FBXO22: variants seen among roughly 807,000 people sequenced by gnomAD.
FBXO22 encodes F-box only protein 22.
Under a neutral mutation model 37.2 loss-of-function variants are expected in FBXO22, and 13 were observed. That is an observed-to-expected ratio of 0.35 (90% CI 0.23 to 0.56). The LOEUF (loss-of-function observed/expected upper bound fraction) is 0.56. Ranked by LOEUF, FBXO22 falls within the 20% of genes least tolerant of loss-of-function variation. FBXO22 has a pLI of 0.87. For synonymous variants in FBXO22, 189 were observed against 189.1 expected, an observed-to-expected ratio of 1.00 and a Z score of 0.00; for missense variants, 446 against 509.9, an observed-to-expected ratio of 0.87 and a Z score of 1.21.
intron 5 of FBXO22, among the ~76,000 whole-genome samples, chr15:75,922,048 T>TA (rs2141717599): frequency 1.3e-5 from 2 of 152,208 alleles, no homozygotes; most frequent in African/African-American, 4.8e-5. Context: ...ATTAAAAGTA[T>TA]AGGATAGTAA....
chr15:75,940,504 T>C lies in FBXO22; in HGVS notation c.*7402T>C, dbSNP rs1481529606. 2 of 151,704 alleles carry C rather than the reference T, an allele frequency of 1.3e-5. No individual in the cohort carries two copies. The highest frequency in any genetic ancestry group is 4.8e-5 in the African/African-American group (2 of 41,276). 9.4% of individuals were successfully genotyped at this position (151,704 alleles called of 1,614,324 possible). A position where few individuals can be genotyped will look rare whatever the true frequency, so the allele number is the denominator to read the frequency against. On this transcript the variant is annotated 3_prime_UTR_variant, in exon 7 of 7. Transcript: ENST00000308275. ...AGAAAAACCCATCCTGAATTTCATG[T>C]GGAATCTGAAGGGATCCCAAATAGC...
In FBXO22 at chr15:75,904,058, G is replaced by C; in HGVS notation, c.95G>C (p.Arg32Pro). 6.4e-7 allele frequency: 1 copy of C among 1,557,296 alleles called. No homozygotes were observed. The highest frequency in any genetic ancestry group is 8.7e-7 in the Non-Finnish European group (1 of 1,149,836). ...AGTAACCTGGCGGAGGTGGTGGAGC[G>C]TGTGCTCACCTTCCTGCCCGCCAAG... ...VLSNLAEVVE[R>P]VLTFLPAKAL... Residue 32 changes from arginine (R) to proline (P), a missense_variant, in exon 1 of 7, where the codon CGT (arginine) becomes CCT (proline). Physicochemically the swap from Arg to Pro is moderately radical, Grantham distance 103. This residue lies in a region of FBXO22 where 131 missense variants were observed against 99.8 expected (regional missense o/e 1.31). Transcript: ENST00000308275.
rs1387366850 is a variant in FBXO22 at position 75,941,068 on chromosome 15, T to C, written c.*7966T>C. 6.6e-6 allele frequency: 1 copy of C among 152,026 alleles called. No homozygotes were observed. The highest frequency in any genetic ancestry group is 1.5e-5 in the Non-Finnish European group (1 of 67,948). 9.4% of individuals were successfully genotyped at this position (152,026 alleles called of 1,614,324 possible). A position where few individuals can be genotyped will look rare whatever the true frequency, so the allele number is the denominator to read the frequency against. On this transcript the variant is annotated 3_prime_UTR_variant, in exon 7 of 7. Transcript: ENST00000308275. ...ATAAGGATTAAACATCCAGAATACA[T>C]ACAAAACTCCCAAAATGCAACAACA... is the stretch of plus-strand genomic sequence containing the variant.
chr15:75,916,108 G>T (rs2141711609), intron 4 of FBXO22, among the ~76,000 whole-genome samples: 1 of 141,802 alleles, frequency 7.1e-6, no homozygotes, highest in Admixed American at 7.1e-5. Context: ...ACTAGTAATA[G>T]TTATTTTTAG....
rs745905156 is a variant in FBXO22, at chr15:75,904,007, T to C, written c.44T>C (p.Val15Ala). The C allele has an allele frequency of 3.8e-6, 6 of 1,581,280 alleles. No individual in the cohort carries two copies. Among genetic ancestry groups the C allele is most frequent in the African/African-American group, 2.7e-5 (2 of 74,638 alleles). ...TGCGGCGAGTGCCGCGGCTCCTCCG[T>C]AGACCCGCGGAGCACCTTCGTGTTG... ...GCCGECRGSS[V>A]DPRSTFVLSN... is the part of the protein sequence containing the mutation. The change falls in exon 1 of 7, where the codon GTA becomes GCA. Residue 15 changes from valine to alanine, a missense_variant. By Grantham distance (64) the Val-to-Ala change is moderately conservative. Coordinates refer to ENST00000308275, the MANE Select transcript of FBXO22 (RefSeq NM_147188.3).
intron 2 of FBXO22, among the ~76,000 whole-genome samples, chr15:75,909,959 C>G (rs1332733845): frequency 1.3e-5 from 2 of 152,058 alleles, no homozygotes; most frequent in Non-Finnish European, 2.9e-5. Context: ...ATGTTCCCTT[C>G]CCTGTGTCCA....
chr15:75,915,757 A>G (rs2141710898), intron 4 of FBXO22, among the ~76,000 whole-genome samples: 1 of 152,064 alleles, frequency 6.6e-6, no homozygotes, highest in East Asian at 1.9e-4. Context: ...AAAATTAGCC[A>G]GGCATGATGG....
At chr15:75,926,299 C>T (rs1176961097) in intron 5 of FBXO22, among the ~76,000 whole-genome samples, 1 of 151,054 alleles carries the variant, frequency 6.6e-6, no homozygotes, top group East Asian at 1.9e-4. Context: ...CCTTATTCTT[C>T]CCTCATATTT....
rs1009042502 is a variant in FBXO22 at position 75,939,570 on chromosome 15, C to T, written c.*6468C>T. On this transcript the variant is annotated 3_prime_UTR_variant, in exon 7 of 7. Transcript: ENST00000308275. The stretch of plus-strand genomic sequence containing the variant: ...TGCCTAATTCATTCTGATGCTGAAG[C>T]CAGACAAAGATACTACAAGAAAAGA... 10 of 152,094 alleles carry T rather than the reference C, an allele frequency of 6.6e-5. No individual in the cohort carries two copies. Among genetic ancestry groups the T allele is most frequent in the African/African-American group, 2.4e-4 (10 of 41,426 alleles). The allele number at this position is 152,094 out of a possible 1,614,324, so 9.4% of individuals were successfully genotyped here.
chr15:75,921,731 C>A (rs1267692793), intron 5 of FBXO22, among the ~76,000 whole-genome samples: 1 of 152,114 alleles, frequency 6.6e-6, no homozygotes, highest in Non-Finnish European at 1.5e-5. Flanking sequence ...CCATTTATAT[C>A]CTTATTCTGT....
rs1359376088 is a variant in FBXO22, at chr15:75,936,867, C to G, written c.*3765C>G. On this transcript the variant is annotated 3_prime_UTR_variant, in exon 7 of 7. Coordinates refer to ENST00000308275, the MANE Select transcript of FBXO22 (RefSeq NM_147188.3). ...GGATTACAGGCGTGAGCCACCGTGC[C>G]CAGCTGGAAACTTTCATTTCTTAAA... is the stretch of plus-strand genomic sequence containing the variant. The G allele has an allele frequency of 6.6e-6, 1 of 152,066 alleles. No individual in the cohort carries two copies. Among genetic ancestry groups the G allele is most frequent in the Non-Finnish European group, 1.5e-5 (1 of 68,014 alleles). The allele number at this position is 152,066 out of a possible 1,614,324, so 9.4% of individuals were successfully genotyped here.
At chr15:75,915,203 T>G (rs1671002349) in intron 4 of FBXO22, among the ~76,000 whole-genome samples, 2 of 151,770 alleles carry the variant, frequency 1.3e-5, no homozygotes, top group Admixed American at 6.6e-5. Context: ...ATTCCTGACC[T>G]CAGGTGATCC....
intron 5 of FBXO22, 114 bp from the exon 6 acceptor site, chr15:75,929,770 C>T: frequency 8.6e-7 from 1 of 1,157,974 alleles, no homozygotes; most frequent in South Asian, 1.5e-5. Flanking sequence ...TAGCTTAAGC[C>T]ACTAAATTGC....
chr15:75,908,982 AT>A (rs1413385272), intron 2 of FBXO22, among the ~76,000 whole-genome samples: 2 of 152,194 alleles, frequency 1.3e-5, no homozygotes, highest in African/African-American at 2.4e-5. Context: ...ATTCCCTCAA[AT>A]TATAATGGAC....
chr15:75,928,825 A>C (rs1462163025), intron 5 of FBXO22, among the ~76,000 whole-genome samples: 2 of 152,206 alleles, frequency 1.3e-5, no homozygotes, highest in Non-Finnish European at 2.9e-5. Context: ...TGTCTCTGTT[A>C]CACTCTGCCA....
At chr15:75,911,824 G>T (rs1900059113) in intron 2 of FBXO22, among the ~76,000 whole-genome samples, 1 of 150,182 alleles carries the variant, frequency 6.7e-6, no homozygotes, top group African/African-American at 2.5e-5. Flanking sequence ...GTGAGAGAGG[G>T]CATCTTTGTC....
Position 75,934,185 on chromosome 15 carries a change from T to TG in FBXO22, c.*1084dup, listed in dbSNP as rs2030176623. 1 of 152,298 alleles carries TG rather than the reference T, an allele frequency of 6.6e-6. No individual in the cohort carries two copies. Among genetic ancestry groups the TG allele is most frequent in the African/African-American group, 2.4e-5 (1 of 41,462 alleles). The allele number at this position is 152,298 out of a possible 1,614,324, so 9.4% of individuals were successfully genotyped here. A position where few individuals can be genotyped will look rare whatever the true frequency, so the allele number is the denominator to read the frequency against. On this transcript the variant is annotated 3_prime_UTR_variant, in exon 7 of 7. Transcript: ENST00000308275. ...GATTTTTTGTGTCCTTAAAATGGCA[T>TG]GACCATTTATTTGCCCCTTTCTCCA... is the stretch of plus-strand genomic sequence containing the variant.
chr15:75,915,541 G>A lies in FBXO22; in HGVS notation c.463+1336G>A, dbSNP rs145995053. On this transcript the variant is annotated intron_variant, in intron 4 of 6. Transcript: ENST00000308275. Reference sequence around the variant, plus strand: ...AGCACTTTAGGAGGCCGAGGCAGGCGGATCACTTGAAGTCAGGAGTTGGAG... The same window carrying A: ...AGCACTTTAGGAGGCCGAGGCAGGCAGATCACTTGAAGTCAGGAGTTGGAG... Among the ~76,000 whole-genome samples, 181 of 152,006 alleles carry A rather than the reference G, an allele frequency of 1.2e-3. 1 individual carries two copies. Among genetic ancestry groups the A allele is most frequent in the African/African-American group, 4.4e-3 (181 of 41,460 alleles).
At chr15:75,919,613 G>A (rs1004768878) in intron 5 of FBXO22, among the ~76,000 whole-genome samples, 2 of 152,192 alleles carry the variant, frequency 1.3e-5, no homozygotes, top group African/African-American at 4.8e-5. Context: ...GAATTGTGAA[G>A]ATTAAATGAA....
Sources: allele counts gnomAD v4.1 joint callset (sites outside exome capture counted in the v4.1 genomes callset), GRCh38; gene constraint gnomAD v4.1.1; regional missense constraint gnomAD v4.1.1; transcripts MANE v1.5; gene names NCBI Gene and HGNC (gene_info 2026-07-23, HGNC 2026-07-21).